ADAMTS9: variants seen among roughly 807,000 people sequenced by gnomAD.
The protein encoded by ADAMTS9 is A disintegrin and metalloproteinase with thrombospondin motifs 9.
ADAMTS9 carries 107 observed loss-of-function variants against 257.1 expected under a neutral mutation model. The ratio of observed to expected loss-of-function variants is 0.42; its 90% confidence interval spans 0.36 to 0.49. The LOEUF (loss-of-function observed/expected upper bound fraction) is 0.49. ADAMTS9 is among the 20% of genes least tolerant of loss of function. The pLI, the probability that ADAMTS9 is intolerant of heterozygous loss-of-function variation, is 0.03. For synonymous variants in ADAMTS9, 982 were observed against 880.9 expected (o/e 1.11, Z -2.03); for missense variants, 2,353 against 2,469.1 (o/e 0.95, Z 1.00).
intron 16 of ADAMTS9, among the ~76,000 whole-genome samples, chr3:64,629,543 A>G (rs1700314739): frequency 6.6e-6 from 1 of 152,200 alleles, no homozygotes; most frequent in Admixed American, 6.5e-5. Context: ...ATCTTGCTCT[A>G]TGATTCAAAC....
intron 3 of ADAMTS9, among the ~76,000 whole-genome samples, chr3:64,670,740 A>G (rs1044512963): frequency 6.6e-6 from 1 of 152,274 alleles, no homozygotes; most frequent in Non-Finnish European, 1.5e-5. Flanking sequence ...AAAAAGATAC[A>G]TGGATAGCAA....
At chr3:64,656,048 A>C in intron 4 of ADAMTS9, 173 bp from the exon 5 acceptor site, 1 of 522,164 alleles carries the variant, frequency 1.9e-6, no homozygotes, top group Non-Finnish European at 3.5e-6. Context: ...TCTTCATAAA[A>C]TTCATAGATC....
At chr3:64,654,269 A>T (rs775399490) in intron 8 of ADAMTS9, 84 bp downstream of exon 8, 81 of 1,359,274 alleles carry the variant, frequency 6.0e-5, no homozygotes, top group Non-Finnish European at 7.7e-5. Context: ...ACACACTCGA[A>T]AGTCAAGTAA....
At chr3:64,661,809 T>C (rs1315228565) in intron 3 of ADAMTS9, among the ~76,000 whole-genome samples, 3 of 152,100 alleles carry the variant, frequency 2.0e-5, no homozygotes, top group African/African-American at 7.3e-5. Flanking sequence ...GAAAAATAAA[T>C]AGTCCTTGCT....
intron 29 of ADAMTS9, chr3:64,565,590 T>A (rs1165398142): frequency 6.6e-6 from 1 of 152,228 alleles, no homozygotes; most frequent in Non-Finnish European, 1.5e-5. Context: ...AATCTGATAA[T>A]TTATTCTTTT....
intron 30 of ADAMTS9, among the ~76,000 whole-genome samples, chr3:64,557,706 G>A (rs1264273389): frequency 2.0e-5 from 3 of 152,190 alleles, no homozygotes; most frequent in Non-Finnish European, 4.4e-5. Context: ...TGACCCTTGA[G>A]CAAAGTCTGC....
Position 64,641,761 on chromosome 3 carries a change from T to C in ADAMTS9, c.1856+87A>G, listed in dbSNP as rs753256491. On this transcript the variant is annotated intron_variant, in intron 12 of 39. Coordinates refer to ENST00000498707, the MANE Select transcript of ADAMTS9 (RefSeq NM_182920.2). The stretch of plus-strand genomic sequence containing the variant: ...TTCTTTCTAGCTCTCTAAGTTGGAA[T>C]GTACTCTTCACCCACCAAATTATTC... The C allele has an allele frequency of 5.9e-5, 90 of 1,530,184 alleles. No individual in the cohort carries two copies. In the Middle Eastern group the frequency reaches 2.2e-3, roughly 38 times the overall value. The allele number at this position is 1,530,184 out of a possible 1,614,324, so 94.8% of individuals were successfully genotyped here.
chr3:64,531,167 T>TC (rs1032784643), intron 38 of ADAMTS9, among the ~76,000 whole-genome samples: 2 of 152,166 alleles, frequency 1.3e-5, no homozygotes, highest in African/African-American at 4.8e-5. Context: ...TAGCTTTTTT[T>TC]CACAGACACA....
chr3:64,685,766 C>CTGGAACCCGTGAGTAGT (rs1701888096), intron 2 of ADAMTS9, among the ~76,000 whole-genome samples: 4 of 152,308 alleles, frequency 2.6e-5, no homozygotes, highest in Non-Finnish European at 4.4e-5. Flanking sequence ...TCTCCACTCC[C>CTGGAACCCGTGAGTAGT]TGGAACCCGT....
At chr3:64,564,700 T>TC (rs963399282) in intron 29 of ADAMTS9, among the ~76,000 whole-genome samples, 3 of 150,962 alleles carry the variant, frequency 2.0e-5, no homozygotes, top group African/African-American at 7.3e-5. Context: ...TCCCCCTTAT[T>TC]CCCCCCCAAC....
chr3:64,588,471 C>G (rs1183436689), intron 28 of ADAMTS9: 2 of 151,980 alleles, frequency 1.3e-5, no homozygotes, highest in Non-Finnish European at 2.9e-5. Flanking sequence ...GCCCCAACCC[C>G]CAACCCCTGG....
At chr3:64,615,099 T>C in intron 21 of ADAMTS9, 1 of 484,162 alleles carries the variant, frequency 2.1e-6, no homozygotes, top group South Asian at 3.6e-5. Flanking sequence ...CAGTGAGTGA[T>C]CTAGCCAAGC....
intron 28 of ADAMTS9, among the ~76,000 whole-genome samples, chr3:64,584,754 C>G (rs1028211711): frequency 4.6e-5 from 7 of 152,032 alleles, no homozygotes; most frequent in African/African-American, 1.7e-4. Context: ...TTGCTCCCCC[C>G]ATCTCTCTCT....
chr3:64,580,626 C>T (rs2083974785), intron 28 of ADAMTS9, among the ~76,000 whole-genome samples: 1 of 152,168 alleles, frequency 6.6e-6, no homozygotes, highest in Non-Finnish European at 1.5e-5. Context: ...CCTGAGGTTG[C>T]TGGGTGACCC....
intron 28 of ADAMTS9, among the ~76,000 whole-genome samples, chr3:64,593,560 T>G (rs2084300378): frequency 6.6e-6 from 1 of 152,164 alleles, no homozygotes; most frequent in South Asian, 2.1e-4. Flanking sequence ...TGCATCATAT[T>G]TACAGTGGCA....
chr3:64,662,586 C>G (rs182259918), intron 3 of ADAMTS9, among the ~76,000 whole-genome samples: 1 of 152,216 alleles, frequency 6.6e-6, no homozygotes, highest in African/African-American at 2.4e-5. Context: ...GTTCTGTTAT[C>G]AGGTGCATAC....
At chr3:64,632,027 A>G (rs1193458533) in intron 14 of ADAMTS9, 102 bp from the exon 15 acceptor site, 1 of 831,856 alleles carries the variant, frequency 1.2e-6, no homozygotes, top group Non-Finnish European at 1.9e-6. Context: ...AATGACAAGA[A>G]AGTCAAGTCC....
At chr3:64,547,951 G>A (rs991532047) in intron 31 of ADAMTS9, among the ~76,000 whole-genome samples, 3 of 151,896 alleles carry the variant, frequency 2.0e-5, no homozygotes, top group Non-Finnish European at 4.4e-5. Flanking sequence ...TCAAATAACT[G>A]GTCATCTTTT....
chr3:64,655,209 C>A (rs1395003316), intron 6 of ADAMTS9, among the ~76,000 whole-genome samples: 2 of 152,184 alleles, frequency 1.3e-5, no homozygotes, highest in African/African-American at 4.8e-5. Flanking sequence ...CAGCAGCTGC[C>A]CTTGCCTGTT....
Sources: allele counts gnomAD v4.1 joint callset (sites outside exome capture counted in the v4.1 genomes callset), GRCh38; gene constraint gnomAD v4.1.1; transcripts MANE v1.5; gene names NCBI Gene and HGNC (gene_info 2026-07-23, HGNC 2026-07-21).